Variants in GPI observed in about 807,000 individuals in gnomAD.
GPI encodes glucose-6-phosphate isomerase, also known as D-hexose-6-phosphate anomerase.
GPI carries 56 observed loss-of-function variants against 75.8 expected under a neutral mutation model. The ratio of observed to expected loss-of-function variants is 0.74; its 90% CI spans 0.60 to 0.92. The LOEUF is 0.92. GPI is among the 40% of genes least tolerant of loss of function. The pLI is 0.00. For synonymous variants in GPI, 288 were observed against 285.4 expected (o/e 1.01, Z -0.09); for missense variants, 638 against 741.0 (o/e 0.86, Z 1.61).
upstream of GPI, chr19:34,364,893 G>C: frequency 7.7e-7 from 1 of 1,303,892 alleles, no homozygotes; most frequent in Non-Finnish European, 1.1e-6. Context: ...CTAGTGCACA[G>C]GGAGTGCAGC....
chr19:34,368,651 T>C lies in GPI; in HGVS notation c.351T>C (p.Asp117=). Residue 117 remains aspartate (D), a synonymous_variant, in exon 4 of 18, where the codon GAT becomes GAC. Coordinates refer to ENST00000356487, the MANE Select transcript of GPI (RefSeq NM_000175.5). ...CACCCATCCTGGTAGACGGCAAGGA[T>C]GTGATGCCAGAGGTCAACAAGGTTC... The part of the protein sequence containing the change: ...SNTPILVDGK[D]VMPEVNKVLD... 1 of 1,614,162 alleles carries C rather than the reference T, an allele frequency of 6.2e-7. No individual in the cohort carries two copies. The highest frequency in any genetic ancestry group is 8.5e-7 in the Non-Finnish European group (1 of 1,180,014).
rs1484368037 is a variant in GPI at position 34,379,550 on chromosome 19, GTCTAC to G, written c.740_744del (p.Ser247Ter). ...CAGTGGCGAAGCACTTTGTTGCCCT[GTCTAC>G]TAACACAGTAAGTGCCCCCGTGGTC... is the stretch of plus-strand genomic sequence containing the variant. On this transcript the variant is annotated frameshift_variant, in exon 8 of 18. Coordinates refer to ENST00000356487, the MANE Select transcript of GPI (RefSeq NM_000175.5). LOFTEE classifies it high-confidence loss of function. 7 of 1,613,828 alleles carry G rather than the reference GTCTAC, an allele frequency of 4.3e-6. No individual in the cohort carries two copies. Among genetic ancestry groups the G allele is most frequent in the Admixed American group, 3.3e-5 (2 of 60,000 alleles).
rs2145421049 is a variant in GPI, at chr19:34,393,686, C to T, written c.866-42C>T. ...AGCTGTGCCCACTGCCCACAGGACG[C>T]AGGGTGTGGCCACTTCTGTTGACTC... On this transcript the variant is annotated intron_variant, in intron 10 of 17. Coordinates refer to ENST00000356487, the MANE Select transcript of GPI (RefSeq NM_000175.5). This position sits in a 1 kb window ranked among gnomAD's most constrained non-coding sequence, Gnocchi z 4.4. The T allele has an allele frequency of 1.2e-6, 2 of 1,604,176 alleles. No individual in the cohort carries two copies. The highest frequency in any genetic ancestry group is 2.2e-5 in the South Asian group (2 of 90,892).
intron 3 of GPI, 60 bp from the exon 4 acceptor site, chr19:34,368,522 TG>T: frequency 1.9e-6 from 3 of 1,603,230 alleles, no homozygotes; most frequent in Non-Finnish European, 2.6e-6. Flanking sequence ...CATGCCCAGC[TG>T]GGAGCATGGC....
At chr19:34,360,825 C>T (rs567949407), upstream of GPI, among the ~76,000 whole-genome samples, 10 of 151,958 alleles carry the variant, frequency 6.6e-5, no homozygotes, top group South Asian at 2.1e-4. Context: ...TGACCCAGGC[C>T]GGAGTGCAGT....
At chr19:34,394,129 G>C in intron 12 of GPI, 63 bp downstream of exon 12, 1 of 1,352,896 alleles carries the variant, frequency 7.4e-7, no homozygotes, top group Non-Finnish European at 1.0e-6. Flanking sequence ...GGAGGTCTAG[G>C]AACCTGGGTT....
intron 9 of GPI, among the ~76,000 whole-genome samples, chr19:34,390,761 G>A (rs1383971957): frequency 1.1e-4 from 16 of 148,872 alleles, no homozygotes; most frequent in African/African-American, 4.0e-4. Context: ...TCTGGCACAG[G>A]TATGAGGATA....
chr19:34,362,446 C>A (rs1401764117), upstream of GPI, among the ~76,000 whole-genome samples: 1 of 152,078 alleles, frequency 6.6e-6, no homozygotes, highest in Non-Finnish European at 1.5e-5. Flanking sequence ...GCAGGGGAAA[C>A]CTTTGAAATG....
intron 9 of GPI, among the ~76,000 whole-genome samples, chr19:34,389,114 G>T (rs951531959): frequency 1.3e-5 from 2 of 151,914 alleles, no homozygotes; most frequent in African/African-American, 4.8e-5. Flanking sequence ...GAAAAAAATA[G>T]AACTGCATCT....
intron 9 of GPI, chr19:34,392,207 C>CTGGGT (rs2074861278): frequency 1.4e-3 from 16 of 11,434 alleles, no homozygotes; most frequent in Non-Finnish European, 2.3e-3. Flanking sequence ...GATCTGGCCC[C>CTGGGT]CTTATGAGGA....
Position 34,396,664 on chromosome 19 carries a change from G to T in GPI, c.1269+7G>T. ...GAAGGGTCTGCATCACAAGGTAAGAGCCCCCATCTGGCCCCATCTGGGGGG... is the reference window on the plus strand; with the variant it reads ...GAAGGGTCTGCATCACAAGGTAAGATCCCCCATCTGGCCCCATCTGGGGGG... On this transcript the variant is annotated splice_region_variant and intron_variant, in intron 14 of 17. Coordinates refer to ENST00000356487, the MANE Select transcript of GPI (RefSeq NM_000175.5). The T allele has an allele frequency of 6.2e-7, 1 of 1,612,748 alleles. No individual in the cohort carries two copies. The highest frequency in any genetic ancestry group is 8.5e-7 in the Non-Finnish European group (1 of 1,178,886).
Position 34,377,859 on chromosome 19 carries a change from C to T in GPI, c.611C>T (p.Ser204Phe), listed in dbSNP as rs1468002722. ...CTGGCCCAGCTGAACCCCGAGTCCT[C>T]CCTGTTCATCATTGCCTCCAAGGTA... The part of the protein sequence containing the change: ...KTLAQLNPES[S>F]LFIIASKTFT... Residue 204 changes from serine to phenylalanine, a missense_variant, in exon 6 of 18, where the codon TCC becomes TTC. Physicochemically the swap from Ser to Phe is radical, Grantham distance 155 (BLOSUM62 -2). Transcript: ENST00000356487. 1 of 1,614,144 alleles carries T rather than the reference C, an allele frequency of 6.2e-7. No homozygotes were observed. The highest frequency in any genetic ancestry group is 1.1e-5 in the South Asian group (1 of 91,076).
At position 34,377,301 on chromosome 19, in the gene GPI, C is replaced by CAAAA. The variant is rs1169701523; in HGVS notation, c.403-169_403-166dup. Among the ~76,000 whole-genome samples, 7 of 15,468 alleles carry CAAAA rather than the reference C, an allele frequency of 4.5e-4. 1 individual carries two copies. The highest frequency in any genetic ancestry group is 6.9e-4 in the Non-Finnish European group (7 of 10,112). The allele number at this position is 15,468 out of a possible 152,430, so 10.1% of individuals were successfully genotyped here. ...TGGGCAACAGAGCAAGGCTTCATCT[C>CAAAA]AAAAAAAAAAAAAAAAAAAAAAAAA... On this transcript the variant is annotated intron_variant, in intron 4 of 17. Transcript: ENST00000356487.
chr19:34,368,728 C>T, intron 4 of GPI, 26 bp downstream of exon 4: 1 of 1,613,992 alleles, frequency 6.2e-7, no homozygotes, highest in Non-Finnish European at 8.5e-7. Context: ...GCCGGACTCA[C>T]CCTTGGCCGT....
Position 34,399,301 on chromosome 19 carries a change from G to A in GPI, c.1364G>A (p.Ser455Asn). 1 of 1,614,170 alleles carries A rather than the reference G, an allele frequency of 6.2e-7. No individual in the cohort carries two copies. The highest frequency in any genetic ancestry group is 8.5e-7 in the Non-Finnish European group (1 of 1,180,028). ...AAGGAGCTCCAGGCTGCGGGCAAGA[G>A]TCCAGAGGACCTTGAGAGGCTGCTG... ...ARKELQAAGK[S>N]PEDLERLLPH... The change falls in exon 15 of 18, where the codon AGT (serine) becomes AAT (asparagine). Residue 455 changes from serine (S) to asparagine (N), a missense_variant. Coordinates refer to ENST00000356487, the MANE Select transcript of GPI (RefSeq NM_000175.5).
At chr19:34,390,144 G>T (rs8191414) in intron 9 of GPI, among the ~76,000 whole-genome samples, 1,903 of 152,258 alleles carry the variant, frequency 0.012, 13 homozygotes, top group Non-Finnish European at 0.02. Context: ...ATGGGCACAG[G>T]TACAAAGTGA....
chr19:34,382,985 CA>C (rs2074677873), intron 9 of GPI, among the ~76,000 whole-genome samples: 4 of 152,112 alleles, frequency 2.6e-5, no homozygotes, highest in Admixed American at 2.6e-4. Flanking sequence ...GAAGTTCCTG[CA>C]GGTGGGGTCT....
Position 34,385,623 on chromosome 19 carries a change from A to G in GPI, c.804+4104A>G, listed in dbSNP as rs1321074897. 2.0e-5 allele frequency among the ~76,000 whole-genome samples: 3 copies of G among 152,170 alleles called. No homozygotes were observed. The East Asian group carries it at 5.8e-4, about 29-fold the overall frequency. ...CTTCACAAAGCTGAGTGTGTTCATG[A>G]GACCTAAAAAGTCATAGTCAAGCCC... is the stretch of plus-strand genomic sequence containing the variant. On this transcript the variant is annotated intron_variant, in intron 9 of 17. Coordinates refer to ENST00000356487, the MANE Select transcript of GPI (RefSeq NM_000175.5).
chr19:34,363,307 CAAA>C (rs540200488), upstream of GPI: 4 of 130,128 alleles, frequency 3.1e-5, no homozygotes, highest in Admixed American at 7.7e-5. Flanking sequence ...GACCCTGTCT[CAAA>C]AAAAAAAAAA....
Sources: allele counts gnomAD v4.1 joint callset (sites outside exome capture counted in the v4.1 genomes callset), GRCh38; gene constraint gnomAD v4.1.1; non-coding constraint Gnocchi (gnomAD v3.1); transcripts MANE v1.5; gene names NCBI Gene and HGNC (gene_info 2026-07-23, HGNC 2026-07-21).